The following IL31RA variants were observed in gnomAD, a reference collection of about 807,000 sequenced individuals.
IL31RA encodes interleukin 31 receptor A.
Under a neutral mutation model 83.7 loss-of-function variants are expected in IL31RA, and 66 were observed. That is an observed-to-expected ratio of 0.79 (90% CI 0.65 to 0.97). The LOEUF is 0.97. Ranked by LOEUF, IL31RA falls within the 50% of genes least tolerant of loss-of-function variation. The pLI, the probability that IL31RA is intolerant of heterozygous loss-of-function variation, is 0.00. For synonymous variants in IL31RA, 325 were observed against 329.0 expected (o/e 0.99, Z 0.13); for missense variants, 798 against 919.4 (o/e 0.87, Z 1.71).
chr5:55,905,654 G>C (rs1395218663), intron 8 of IL31RA, among the ~76,000 whole-genome samples: 1 of 152,190 alleles, frequency 6.6e-6, no homozygotes, highest in Non-Finnish European at 1.5e-5. Flanking sequence ...AGTTTGTGCA[G>C]AGCCAGACTA....
At chr5:55,893,392 C>G (rs993282328) in intron 6 of IL31RA, among the ~76,000 whole-genome samples, 3 of 152,348 alleles carry the variant, frequency 2.0e-5, no homozygotes, top group Admixed American at 1.3e-4. Context: ...GGCACCTGCA[C>G]ATGTCTAACT....
chr5:55,885,202 A>ACC (rs1747507497), intron 5 of IL31RA, among the ~76,000 whole-genome samples: 1 of 151,904 alleles, frequency 6.6e-6, no homozygotes, highest in Admixed American at 6.6e-5. Flanking sequence ...CCTTGTGGAA[A>ACC]CCCATAGACA....
chr5:55,858,322 GTCT>G (rs1364731767), intron 1 of IL31RA, among the ~76,000 whole-genome samples: 2 of 152,150 alleles, frequency 1.3e-5, no homozygotes, highest in South Asian at 2.1e-4. Flanking sequence ...CTAAAGGCGT[GTCT>G]TCTTCTTAAC....
chr5:55,917,368 A>G lies in IL31RA; in HGVS notation c.*248A>G, dbSNP rs1749852443. On this transcript the variant is annotated 3_prime_UTR_variant, in exon 15 of 15. Coordinates refer to ENST00000652347, the MANE Select transcript of IL31RA (RefSeq NM_139017.7). ...GTCTCTTTTCGTTTGTTCAGATACC[A>G]AGCTCTCACCGAGGCCTCCTGACAG... 5.2e-6 allele frequency: 7 copies of G among 1,339,962 alleles called. 1 individual carries two copies. The Admixed American group carries it at 2.1e-4, about 40-fold the overall frequency. 83.0% of individuals were successfully genotyped at this position (1,339,962 alleles called of 1,614,324 possible).
intron 2 of IL31RA, among the ~76,000 whole-genome samples, chr5:55,867,687 A>G (rs974060194): frequency 3.0e-4 from 46 of 152,300 alleles, no homozygotes; most frequent in African/African-American, 1.1e-3. Context: ...CTGGGAAGAA[A>G]AAGAGGTTTA....
chr5:55,872,154 A>G, intron 3 of IL31RA, 116 bp from the exon 4 acceptor site: 1 of 765,422 alleles, frequency 1.3e-6, no homozygotes, highest in South Asian at 1.6e-5. Context: ...CCTGGACTAT[A>G]CAGTTCTCAA....
chr5:55,892,290 G>T (rs556786442), intron 6 of IL31RA, among the ~76,000 whole-genome samples: 5 of 152,218 alleles, frequency 3.3e-5, no homozygotes, highest in African/African-American at 1.2e-4. Context: ...ATGATTTCAG[G>T]CCTCATGATT....
rs35672011 is a variant in IL31RA at position 55,891,761 on chromosome 5, A to ATTTTTTTTT, written c.772+1650_772+1658dup. On this transcript the variant is annotated intron_variant, in intron 6 of 14. Coordinates refer to ENST00000652347, the MANE Select transcript of IL31RA (RefSeq NM_139017.7). ...TACAGGTTCCAGGGATTTGGACAAG[A>ATTTTTTTTT]TTTTTTTTTTTTTTTTTTTTTTTTT... 5.8e-3 allele frequency among the ~76,000 whole-genome samples: 349 copies of ATTTTTTTTT among 60,022 alleles called. 69 individuals carry two copies. The highest frequency in any genetic ancestry group is 7.2e-3 in the East Asian group (12 of 1,656). 39.4% of individuals were successfully genotyped at this position (60,022 alleles called of 152,430 possible). A position where few individuals can be genotyped will look rare whatever the true frequency, so the allele number is the denominator to read the frequency against.
intron 1 of IL31RA, among the ~76,000 whole-genome samples, chr5:55,853,106 C>T (rs1050220605): frequency 1.3e-5 from 2 of 151,218 alleles, no homozygotes; most frequent in Non-Finnish European, 2.9e-5. Flanking sequence ...ATTTTCTTTC[C>T]TTCATCTCCT....
chr5:55,874,851 A>G (rs1247365316), intron 4 of IL31RA, among the ~76,000 whole-genome samples: 2 of 152,044 alleles, frequency 1.3e-5, no homozygotes, highest in African/African-American at 4.8e-5. Context: ...TATGATCTGG[A>G]TACGTTTTAT....
chr5:55,849,117 G>A (rs1744996728), upstream of IL31RA, among the ~76,000 whole-genome samples: 1 of 151,988 alleles, frequency 6.6e-6, no homozygotes, highest in Admixed American at 6.6e-5. Flanking sequence ...ACATTCAAGT[G>A]GCACTCTAAG....
chr5:55,922,586 G>A lies in IL31RA; in HGVS notation c.*5466G>A, dbSNP rs1750144805. On this transcript the variant is annotated 3_prime_UTR_variant, in exon 15 of 15. Coordinates refer to ENST00000652347, the MANE Select transcript of IL31RA (RefSeq NM_139017.7). ...TCTTTTCCACACATGGACCACCTAC[G>A]GATGCAATCTGTAATGCATGTGCAT... is the stretch of plus-strand genomic sequence containing the variant. 4.9e-6 allele frequency: 3 copies of A among 617,366 alleles called. No homozygotes were observed. The highest frequency in any genetic ancestry group is 4.3e-5 in the South Asian group (2 of 46,512). 38.2% of individuals were successfully genotyped at this position (617,366 alleles called of 1,614,324 possible). A position where few individuals can be genotyped will look rare whatever the true frequency, so the allele number is the denominator to read the frequency against.
chr5:55,917,353 G>C lies in IL31RA; in HGVS notation c.*233G>C. ...TGTAAAGGAACAGCAGTCTCTTTTC[G>C]TTTGTTCAGATACCAAGCTCTCACC... is the stretch of plus-strand genomic sequence containing the variant. On this transcript the variant is annotated 3_prime_UTR_variant, in exon 15 of 15. Transcript: ENST00000652347. 1 of 1,390,306 alleles carries C rather than the reference G, an allele frequency of 7.2e-7. No homozygotes were observed. The highest frequency in any genetic ancestry group is 9.3e-7 in the Non-Finnish European group (1 of 1,070,564). 86.1% of individuals were successfully genotyped at this position (1,390,306 alleles called of 1,614,324 possible).
In IL31RA at chr5:55,919,333, T is replaced by TA. The variant is rs1749976662; in HGVS notation, c.*2217dup. On this transcript the variant is annotated 3_prime_UTR_variant, in exon 15 of 15. Coordinates refer to ENST00000652347, the MANE Select transcript of IL31RA (RefSeq NM_139017.7). The stretch of plus-strand genomic sequence containing the variant: ...TGGATGTAGATGAAGCTTCTGAACC[T>TA]AAAATCTAAGAATTTGATGGGAGAG... Among the ~76,000 whole-genome samples the TA allele has an allele frequency of 6.6e-6, 1 of 152,188 alleles. No individual in the cohort carries two copies. The highest frequency in any genetic ancestry group is 1.5e-5 in the Non-Finnish European group (1 of 68,026).
chr5:55,872,072 C>A (rs908202241), intron 3 of IL31RA, among the ~76,000 whole-genome samples, 198 bp from the exon 4 acceptor site: 1 of 151,984 alleles, frequency 6.6e-6, no homozygotes, highest in Admixed American at 6.6e-5. Flanking sequence ...GCATCTCAGG[C>A]AGCAGAAAGC....
intron 7 of IL31RA, among the ~76,000 whole-genome samples, chr5:55,899,105 G>T (rs1324389457): frequency 6.6e-6 from 1 of 152,122 alleles, no homozygotes; most frequent in Non-Finnish European, 1.5e-5. Context: ...GAAGATTCTA[G>T]CTGACCTTTT....
intron 1 of IL31RA, among the ~76,000 whole-genome samples, chr5:55,858,902 C>T (rs73116442): frequency 0.069 from 10,482 of 152,126 alleles, 540 homozygotes; most frequent in African/African-American, 0.15. Flanking sequence ...GTAGGGAAGC[C>T]GTCAGGTAAA....
intron 2 of IL31RA, among the ~76,000 whole-genome samples, chr5:55,861,216 G>A (rs1213834420): frequency 6.6e-6 from 1 of 152,202 alleles, no homozygotes; most frequent in Admixed American, 6.5e-5. Flanking sequence ...AATGCCTTCA[G>A]ACTTCTGTCC....
In IL31RA at chr5:55,917,100, C is replaced by T. The variant is rs1172965241; in HGVS notation, c.2275C>T (p.His759Tyr). ...TCTTGTGTCTGAAAAACTTCCAGAG[C>T]ACACCAAGGGAGAAGTCTAAATGCG... ...EFLVSEKLPE[H>Y]TKGEV The change falls in exon 15 of 15, where the codon CAC (histidine) becomes TAC (tyrosine). Residue 759 changes from histidine to tyrosine, a missense_variant. Coordinates refer to ENST00000652347, the MANE Select transcript of IL31RA (RefSeq NM_139017.7). 5 of 1,614,024 alleles carry T rather than the reference C, an allele frequency of 3.1e-6. No individual in the cohort carries two copies. Among genetic ancestry groups the T allele is most frequent in the African/African-American group, 2.7e-5 (2 of 74,926 alleles).
Sources: allele counts gnomAD v4.1 joint callset (sites outside exome capture counted in the v4.1 genomes callset), GRCh38; gene constraint gnomAD v4.1.1; transcripts MANE v1.5; gene names NCBI Gene and HGNC (gene_info 2026-07-23, HGNC 2026-07-21).